Variants in TTLL8 observed in about 807,000 individuals in gnomAD.
TTLL8 encodes tubulin tyrosine ligase like 8.
A neutral mutation model predicts 77.8 loss-of-function variants in TTLL8; 65 were observed. The ratio of observed to expected loss-of-function variants is 0.84; its 90% CI spans 0.68 to 1.03. The LOEUF (loss-of-function observed/expected upper bound fraction) is 1.03. TTLL8 is among the 50% of genes least tolerant of loss of function. TTLL8 has a pLI of 0.00. For missense variants in TTLL8, 910 were observed against 1,004.5 expected (o/e 0.91, Z 1.27); for synonymous variants, 402 against 422.8 (o/e 0.95, Z 0.60).
chr22:50,022,064 C>T (rs1332947977), intron 12 of TTLL8, among the ~76,000 whole-genome samples: 2 of 148,678 alleles, frequency 1.3e-5, no homozygotes, highest in African/African-American at 5.0e-5. Flanking sequence ...GATGTGTACT[C>T]CTCCATCTGA....
chr22:50,045,135 G>A (rs562228213), intron 6 of TTLL8, 120 bp downstream of exon 8: 26 of 1,107,324 alleles, frequency 2.3e-5, no homozygotes, highest in South Asian at 1.8e-4. Flanking sequence ...CTGAGGCATC[G>A]CTGTATCCAG....
intron 12 of TTLL8, chr22:50,027,633 A>G: frequency 2.0e-6 from 2 of 985,376 alleles, no homozygotes; most frequent in East Asian, 2.3e-4. Context: ...TAAGCCAACA[A>G]GCTCCAAGGG....
At chr22:50,050,148 C>A in exon 2 of TTLL8, 1 of 1,367,210 alleles carries the variant, frequency 7.3e-7, no homozygotes, top group Non-Finnish European at 9.8e-7. Context: ...TCCGGAATGA[C>A]CTTGGGCAAA....
intron 12 of TTLL8, among the ~76,000 whole-genome samples, chr22:50,025,632 C>G (rs752962032): frequency 1.3e-5 from 2 of 152,046 alleles, no homozygotes; most frequent in Non-Finnish European, 2.9e-5. Flanking sequence ...AGAGTGAGAC[C>G]TTGTCTCAAA....
intron 3 of TTLL8, among the ~76,000 whole-genome samples, chr22:50,047,647 C>T (rs1309704170): frequency 6.6e-6 from 1 of 152,144 alleles, no homozygotes; most frequent in South Asian, 2.1e-4. Context: ...TCCCCAGGAC[C>T]GAAGCCCCCA....
intron 12 of TTLL8, among the ~76,000 whole-genome samples, chr22:50,020,150 A>C (rs1355179402): frequency 1.3e-5 from 2 of 152,224 alleles, no homozygotes; most frequent in Non-Finnish European, 2.9e-5. Context: ...ATTACATATT[A>C]TTTGCACCAA....
chr22:50,023,275 T>C, intron 12 of TTLL8, among the ~76,000 whole-genome samples: 1 of 152,048 alleles, frequency 6.6e-6, no homozygotes, highest in East Asian at 1.9e-4. Flanking sequence ...TAAATAAACG[T>C]TGAGATACAT....
At chr22:50,037,899 C>G (rs551827104) in intron 8 of TTLL8, among the ~76,000 whole-genome samples, 2 of 151,630 alleles carry the variant, frequency 1.3e-5, no homozygotes, top group South Asian at 4.2e-4. Flanking sequence ...TGCCCCCCAA[C>G]AAAAAAAATA....
At chr22:50,049,301 T>C in exon 3 of TTLL8, 1 of 1,367,642 alleles carries the variant, frequency 7.3e-7, no homozygotes, top group Non-Finnish European at 9.8e-7. Context: ...TTGATTTTCT[T>C]TGACTTTGGC....
intron 8 of TTLL8, among the ~76,000 whole-genome samples, chr22:50,036,888 G>T (rs758878021): frequency 1.3e-5 from 2 of 152,048 alleles, no homozygotes; most frequent in African/African-American, 4.8e-5. Context: ...GTGAGCCGCC[G>T]CGCCCAGCCA....
intron 12 of TTLL8, among the ~76,000 whole-genome samples, chr22:50,025,766 C>T (rs1179575110): frequency 6.6e-6 from 1 of 152,134 alleles, no homozygotes; most frequent in Non-Finnish European, 1.5e-5. Context: ...AGCAAAATAT[C>T]TGAAAGGCTA....
Position 50,034,367 on chromosome 22 carries a change from G to C in TTLL8, c.1017C>G (p.Ser339=). 7.3e-7 allele frequency: 1 copy of C among 1,366,638 alleles called. No homozygotes were observed. Among genetic ancestry groups the C allele is most frequent in the Non-Finnish European group, 9.8e-7 (1 of 1,021,802 alleles). 84.7% of individuals were successfully genotyped at this position (1,366,638 alleles called of 1,614,324 possible). The change falls in exon 9 of 14, where the codon TCC becomes TCG. Residue 339 remains serine, a synonymous_variant. Transcript: ENST00000266182. The surrounding 1 kb of genome is among the most constrained non-coding windows in gnomAD (Gnocchi z 4.1). ...CACCAGGGGACTCACCTCGGCCCCG[G>C]GACTTGGCCGCGGGCTTTATAATCC... is the stretch of plus-strand genomic sequence containing the variant.
upstream of TTLL8, chr22:50,056,679 C>A (rs964416336): frequency 1.1e-6 from 1 of 875,390 alleles, no homozygotes; most frequent in African/African-American, 1.8e-5. The surrounding 1 kb of genome is among the most constrained non-coding windows in gnomAD (Gnocchi z 4.1). Context: ...GAGGCAGGAG[C>A]CAGCGCCCCC....
chr22:50,030,964 C>A (rs749250815), intron 11 of TTLL8, 39 bp from the exon 13 acceptor site: 2 of 1,299,652 alleles, frequency 1.5e-6, no homozygotes, highest in Non-Finnish European at 2.0e-6. Flanking sequence ...GGGCTGTGGC[C>A]GGGATAGGGG....
intron 3 of TTLL8, 85 bp from the exon 6 acceptor site, chr22:50,047,381 G>A (rs942884070): frequency 2.6e-6 from 3 of 1,166,424 alleles, no homozygotes; most frequent in South Asian, 2.5e-5. Flanking sequence ...ACCATCAGAG[G>A]ACAAATGGCG....
At chr22:50,030,665 C>T (rs1379209788) in exon 12 of TTLL8, 1 of 1,280,678 alleles carries the variant, frequency 7.8e-7, no homozygotes, top group Non-Finnish European at 1.0e-6. Context: ...TCTCGGCTGC[C>T]CCCCTTAAGG....
At chr22:50,047,419 T>C in intron 3 of TTLL8, 123 bp from the exon 6 acceptor site, 1 of 752,346 alleles carries the variant, frequency 1.3e-6, no homozygotes, top group South Asian at 1.6e-5. Context: ...AGCCGGGCTC[T>C]GCTGCAGGCA....
Position 50,049,232 on chromosome 22 carries a change from G to T in TTLL8, c.264+17C>A. ...TGGAGAGGCCGCAGCTGACCATGAC[G>T]CATGCAGGGGACGTACCATCACGTC... On this transcript the variant is annotated intron_variant, in intron 3 of 13. Coordinates refer to ENST00000266182, the Ensembl canonical transcript of TTLL8. 1 of 1,367,558 alleles carries T rather than the reference G, an allele frequency of 7.3e-7. No homozygotes were observed. Among genetic ancestry groups the T allele is most frequent in the South Asian group, 1.1e-5 (1 of 88,036 alleles). 84.7% of individuals were successfully genotyped at this position (1,367,558 alleles called of 1,614,324 possible).
rs543633572 is a variant in TTLL8, at chr22:50,036,372, G to A, written c.922-1910C>T. ...ATTCAGGTCTAAGAAAACGCAGTGGGGTGCATCCTGCCATACTCAAAAAAG... is the reference window on the plus strand; with the variant it reads ...ATTCAGGTCTAAGAAAACGCAGTGGAGTGCATCCTGCCATACTCAAAAAAG... On this transcript the variant is annotated intron_variant, in intron 8 of 13. Transcript: ENST00000266182. Among the ~76,000 whole-genome samples the A allele has an allele frequency of 8.5e-5, 13 of 152,236 alleles. No individual in the cohort carries two copies. In the South Asian group the frequency reaches 2.7e-3, roughly 32 times the overall value.
Sources: gnomAD v4.1 joint callset for allele counts (sites outside exome capture counted in the v4.1 genomes callset) on GRCh38, gnomAD v4.1.1 for gene constraint, Gnocchi (gnomAD v3.1) non-coding constraint, MANE v1.5 for transcripts, NCBI Gene and HGNC (gene_info 2026-07-23, HGNC 2026-07-21) for gene names.